HSFX4: variants seen among roughly 807,000 people sequenced by gnomAD.
The protein encoded by HSFX4 is heat shock transcription factor family, X-linked member 4.
A neutral mutation model predicts 5.2 loss-of-function variants in HSFX4; 1 was observed. That is an observed-to-expected ratio of 0.19 (90% CI 0.07 to 0.91). The LOEUF (loss-of-function observed/expected upper bound fraction) is 0.91, where lower values mean the gene tolerates loss of function less well. HSFX4 is among the 40% of genes least tolerant of loss of function. The pLI is 0.66. For missense variants in HSFX4, 50 were observed against 178.0 expected (o/e 0.28, Z 4.09); for synonymous variants, 24 against 68.9 (o/e 0.35, Z 3.23).
At position 149,931,020 on chromosome X, in the gene HSFX4, CTT is replaced by C; in HGVS notation, c.919_920del (p.Leu307ValfsTer19). ...TACTCAGATAATGGTAGTGTAATGTCTTTGTACAATATCTGTTACTACGCTCT... is the reference window on the plus strand; with the variant it reads ...TACTCAGATAATGGTAGTGTAATGTCTGTACAATATCTGTTACTACGCTCT... On this transcript the variant is annotated frameshift_variant, in exon 2 of 2. Transcript: ENST00000457775. LOFTEE classifies it low-confidence loss of function (END_TRUNC). 2.1e-6 allele frequency: 2 copies of C among 934,703 alleles called. No individual in the cohort carries two copies. 77.0% of individuals were successfully genotyped at this position (934,703 alleles called of 1,213,427 possible). A position where few individuals can be genotyped will look rare whatever the true frequency, so the allele number is the denominator to read the frequency against.
Sources: allele counts gnomAD v4.1 joint callset, GRCh38; gene constraint gnomAD v4.1.1; transcripts MANE v1.5; gene names NCBI Gene and HGNC (gene_info 2026-07-23, HGNC 2026-07-21).